Variants in STXBP5L observed in about 807,000 individuals in gnomAD.
STXBP5L encodes syntaxin binding protein 5L, also known as syntaxin-binding protein 5-like.
In STXBP5L, 65 loss-of-function variants were observed where a neutral mutation model predicts 144.5. That is an observed-to-expected ratio of 0.45 (90% CI 0.37 to 0.55). The LOEUF is 0.55. Ranked by LOEUF, STXBP5L falls within the 20% of genes least tolerant of loss-of-function variation. STXBP5L has a pLI of 0.00. For synonymous variants in STXBP5L, 505 were observed against 469.6 expected (o/e 1.08, Z -0.97); for missense variants, 1,298 against 1,405.5 (o/e 0.92, Z 1.22).
chr3:121,245,783 T>C (rs1291856478), intron 14 of STXBP5L, among the ~76,000 whole-genome samples: 1 of 152,032 alleles, frequency 6.6e-6, no homozygotes, highest in African/African-American at 2.4e-5. Flanking sequence ...AGCATCAAAA[T>C]ATATGAAGCA....
chr3:120,993,023 G>C (rs1218569886), intron 3 of STXBP5L, among the ~76,000 whole-genome samples: 3 of 152,046 alleles, frequency 2.0e-5, no homozygotes, highest in Non-Finnish European at 4.4e-5. Context: ...TCTCATTGTG[G>C]TTTTGATTTG....
chr3:121,095,519 G>T (rs12637737), intron 5 of STXBP5L, among the ~76,000 whole-genome samples: 1 of 151,858 alleles, frequency 6.6e-6, no homozygotes, highest in African/African-American at 2.4e-5. Flanking sequence ...TTCTCTTCTC[G>T]CTTCATTTCA....
At chr3:121,046,892 G>C (rs1222877561) in intron 5 of STXBP5L, among the ~76,000 whole-genome samples, 1 of 151,648 alleles carries the variant, frequency 6.6e-6, no homozygotes, top group African/African-American at 2.4e-5. Context: ...CTTGTCTTTT[G>C]CTAGCTTTGG....
At chr3:121,087,622 A>G (rs972261948) in intron 5 of STXBP5L, among the ~76,000 whole-genome samples, 14 of 151,982 alleles carry the variant, frequency 9.2e-5, no homozygotes, top group Non-Finnish European at 1.5e-5. Flanking sequence ...TTTTTAATTC[A>G]TTCTGTCAGT....
At chr3:121,211,578 CTT>C (rs1188424283) in intron 10 of STXBP5L, among the ~76,000 whole-genome samples, 3 of 110,248 alleles carry the variant, frequency 2.7e-5, no homozygotes, top group African/African-American at 3.5e-5. Flanking sequence ...TTTTTTCTTT[CTT>C]TTTTTTTTTT....
At chr3:121,091,549 A>G (rs913551646) in intron 5 of STXBP5L, among the ~76,000 whole-genome samples, 1 of 152,006 alleles carries the variant, frequency 6.6e-6, no homozygotes, top group Non-Finnish European at 1.5e-5. Context: ...GCATTTTTTC[A>G]TGTGTTTTTT....
rs2047312660 is a variant in STXBP5L, at chr3:121,419,382, G to A, written c.*285G>A. ...AAGGATTTATATTTAGTAACTACGGGGAGTCCTCTTGATTTGAAAATTCCT... is the reference window on the plus strand; with the variant it reads ...AAGGATTTATATTTAGTAACTACGGAGAGTCCTCTTGATTTGAAAATTCCT... On this transcript the variant is annotated 3_prime_UTR_variant, in exon 27 of 27. Coordinates refer to ENST00000471454, the MANE Select transcript of STXBP5L (RefSeq NM_001308330.2). 7.3e-6 allele frequency: 2 copies of A among 274,318 alleles called. No homozygotes were observed. The highest frequency in any genetic ancestry group is 1.3e-4 in the East Asian group (2 of 15,340). The allele number at this position is 274,318 out of a possible 1,614,324, so 17.0% of individuals were successfully genotyped here.
intron 12 of STXBP5L, among the ~76,000 whole-genome samples, chr3:121,236,984 T>G (rs908570788): frequency 1.3e-5 from 2 of 152,232 alleles, no homozygotes; most frequent in African/African-American, 4.8e-5. Context: ...TTTCTTTGAC[T>G]CCATGTCCTG....
chr3:121,092,583 G>T (rs770565918), intron 5 of STXBP5L, among the ~76,000 whole-genome samples: 4 of 152,084 alleles, frequency 2.6e-5, no homozygotes, highest in African/African-American at 9.7e-5. Flanking sequence ...GTCTGTTATT[G>T]GTGTATAAGA....
At chr3:121,220,786 T>A (rs1033966689) in intron 10 of STXBP5L, among the ~76,000 whole-genome samples, 7 of 152,076 alleles carry the variant, frequency 4.6e-5, no homozygotes, top group Non-Finnish European at 8.8e-5. Context: ...ATCTTTGTCC[T>A]GGTACTCACT....
chr3:121,299,480 T>C (rs1302368730), intron 19 of STXBP5L, among the ~76,000 whole-genome samples: 2 of 152,168 alleles, frequency 1.3e-5, no homozygotes, highest in African/African-American at 4.8e-5. Context: ...AAAGTTCACA[T>C]GATTGCTTTA....
chr3:121,405,121 C>T (rs533591633), intron 22 of STXBP5L, among the ~76,000 whole-genome samples: 1 of 152,040 alleles, frequency 6.6e-6, no homozygotes. Flanking sequence ...TAGAGCCATA[C>T]CCTTATGATC....
At chr3:121,058,112 G>A (rs544611930) in intron 5 of STXBP5L, among the ~76,000 whole-genome samples, 10 of 152,226 alleles carry the variant, frequency 6.6e-5, no homozygotes, top group African/African-American at 2.4e-4. Context: ...TTCTTGTAAT[G>A]CTATCCCTCC....
At chr3:121,035,267 A>C (rs754424408) in intron 3 of STXBP5L, among the ~76,000 whole-genome samples, 18 of 152,138 alleles carry the variant, frequency 1.2e-4, no homozygotes, top group Middle Eastern at 3.2e-3. Context: ...TTGAGGTCTT[A>C]ATAATGAATC....
chr3:121,193,205 A>G (rs2047773072), intron 9 of STXBP5L, among the ~76,000 whole-genome samples: 3 of 143,504 alleles, frequency 2.1e-5, no homozygotes, highest in Admixed American at 6.8e-5. Flanking sequence ...TATGCAGCCA[A>G]CAGACACATG....
intron 3 of STXBP5L, among the ~76,000 whole-genome samples, chr3:121,041,212 CTTTTA>C (rs1165680465): frequency 5.3e-5 from 8 of 150,454 alleles, no homozygotes; most frequent in African/African-American, 2.0e-4. Flanking sequence ...ATGTTTTATA[CTTTTA>C]TTTAGTCAGA....
intron 3 of STXBP5L, among the ~76,000 whole-genome samples, chr3:120,979,480 C>G (rs1460393189): frequency 6.6e-6 from 1 of 152,166 alleles, no homozygotes; most frequent in Non-Finnish European, 1.5e-5. Flanking sequence ...AAAGGGAACT[C>G]CCTGACCCCT....
At chr3:121,008,724 G>A (rs989970252) in intron 3 of STXBP5L, among the ~76,000 whole-genome samples, 1 of 151,906 alleles carries the variant, frequency 6.6e-6, no homozygotes, top group Non-Finnish European at 1.5e-5. Context: ...ATGGTAATGT[G>A]TCCTTTATTT....
chr3:121,085,102 G>C (rs2042426692), intron 5 of STXBP5L, among the ~76,000 whole-genome samples: 1 of 152,018 alleles, frequency 6.6e-6, no homozygotes, highest in South Asian at 2.1e-4. Context: ...ATTCCTTATA[G>C]ATTCTGGATA....
Sources: allele counts gnomAD v4.1 joint callset (sites outside exome capture counted in the v4.1 genomes callset), GRCh38; gene constraint gnomAD v4.1.1; transcripts MANE v1.5; gene names NCBI Gene and HGNC (gene_info 2026-07-23, HGNC 2026-07-21).